The following CFAP46 variants were observed in gnomAD, a reference collection of about 807,000 sequenced individuals.
The protein encoded by CFAP46 is cilia- and flagella-associated protein 46.
In CFAP46, 245 loss-of-function variants were observed where a neutral mutation model predicts 325.7. That is an observed-to-expected ratio of 0.75 (90% confidence interval 0.68 to 0.84). CFAP46 has a LOEUF of 0.84. Among genes scored for constraint, CFAP46 ranks in the 40% least tolerant of loss-of-function variants. The pLI, the probability that CFAP46 is intolerant of heterozygous loss-of-function variation, is 0.00. For synonymous variants in CFAP46, 1,523 were observed against 1,495.9 expected (o/e 1.02, Z -0.42); for missense variants, 3,346 against 3,543.0 (o/e 0.94, Z 1.41).
chr10:132,842,265 G>C (rs936025624), intron 44 of CFAP46, among the ~76,000 whole-genome samples: 1 of 152,180 alleles, frequency 6.6e-6, no homozygotes, highest in South Asian at 2.1e-4. Context: ...GCTGTTCCAC[G>C]TGGACAGTTC....
intron 8 of CFAP46, among the ~76,000 whole-genome samples, chr10:132,932,211 G>C (rs1849919937): frequency 7.5e-6 from 1 of 133,568 alleles, no homozygotes; most frequent in African/African-American, 2.9e-5. Flanking sequence ...CTCACACAGA[G>C]CCTGGGTCTC....
chr10:132,858,998 CAGG>C, intron 38 of CFAP46, 70 bp downstream of exon 38: 1 of 1,454,294 alleles, frequency 6.9e-7, no homozygotes, highest in Non-Finnish European at 9.3e-7. Flanking sequence ...GCCCAGAAGG[CAGG>C]ATGGCGCTGG....
chr10:132,885,969 A>G lies in CFAP46; in HGVS notation c.3305-10T>C. The stretch of plus-strand genomic sequence containing the variant: ...AGGTCGTCCTCAGCCCCTGGGAGGG[A>G]GAAGGAGGGGTGTCCTTGGAGCCGC... On this transcript the variant is annotated splice_polypyrimidine_tract_variant and intron_variant, in intron 25 of 57. Transcript: ENST00000368586. 6.5e-7 allele frequency: 1 copy of G among 1,548,914 alleles called. No individual in the cohort carries two copies. The highest frequency in any genetic ancestry group is 1.7e-4 in the Middle Eastern group (1 of 5,974).
intron 54 of CFAP46, among the ~76,000 whole-genome samples, chr10:132,813,537 G>C (rs11498481): frequency 4.4e-3 from 134 of 30,554 alleles, no homozygotes; most frequent in African/African-American, 7.1e-3. Context: ...CTGCAGCCCC[G>C]CCCCTGCACA....
At position 132,910,187 on chromosome 10, in the gene CFAP46, T is replaced by TA. The variant is rs1239396966; in HGVS notation, c.2500-120dup. On this transcript the variant is annotated intron_variant, in intron 19 of 57. Transcript: ENST00000368586. ...TCCTGATCCAGCCCGTGAAGGGCCT[T>TA]AAACACGAGACCTCAGGCCCACCAG... is the stretch of plus-strand genomic sequence containing the variant. 3.0e-6 allele frequency: 3 copies of TA among 993,536 alleles called. No homozygotes were observed. In the African/African-American group the frequency reaches 5.1e-5, roughly 17 times the overall value. The allele number at this position is 993,536 out of a possible 1,614,324, so 61.5% of individuals were successfully genotyped here.
At chr10:132,878,222 C>T (rs1244737454) in intron 29 of CFAP46, 135 bp from the exon 30 acceptor site, 5 of 839,378 alleles carry the variant, frequency 6.0e-6, no homozygotes, top group Non-Finnish European at 9.3e-6. Context: ...GGTCTTGCGT[C>T]CCCGTCAGCT....
intron 50 of CFAP46, among the ~76,000 whole-genome samples, chr10:132,825,932 T>A (rs1189416604): frequency 6.7e-6 from 1 of 149,258 alleles, no homozygotes; most frequent in Non-Finnish European, 1.5e-5. Context: ...GCAGATAAAT[T>A]GTGGTGGGTG....
intron 22 of CFAP46, among the ~76,000 whole-genome samples, chr10:132,905,272 C>G (rs146493193): frequency 2.0e-5 from 3 of 152,112 alleles, no homozygotes; most frequent in African/African-American, 7.2e-5. Context: ...AACTGGTGTA[C>G]GCCTCTGAAC....
At position 132,869,292 on chromosome 10, in the gene CFAP46, C is replaced by T. The variant is rs760588646; in HGVS notation, c.4592G>A (p.Ser1531Asn). 4 of 1,537,332 alleles carry T rather than the reference C, an allele frequency of 2.6e-6. No individual in the cohort carries two copies. Among genetic ancestry groups the T allele is most frequent in the Middle Eastern group, 2.1e-4 (1 of 4,762 alleles). Reference sequence around the variant, plus strand: ...CACACACCTGGCCTGCTCCAGCTCGCTGACGCACACCTGCCCGACCGCCTC... The same window carrying T: ...CACACACCTGGCCTGCTCCAGCTCGTTGACGCACACCTGCCCGACCGCCTC... ...HEEAVGQVCV[S>N]ELEQASCRKE... The change falls in exon 33 of 58, where the codon AGC becomes AAC. Residue 1531 changes from serine (S) to asparagine (N), a missense_variant. Transcript: ENST00000368586. The surrounding 1 kb of genome is among the most constrained non-coding windows in gnomAD (Gnocchi z 6.2).
At chr10:132,878,377 T>C (rs1848988473) in intron 29 of CFAP46, among the ~76,000 whole-genome samples, 1 of 152,134 alleles carries the variant, frequency 6.6e-6, no homozygotes, top group African/African-American at 2.4e-5. Flanking sequence ...GGGACACCCC[T>C]GGCCCTGGGG....
chr10:132,831,369 G>A (rs759849802), intron 50 of CFAP46, among the ~76,000 whole-genome samples: 71 of 152,164 alleles, frequency 4.7e-4, no homozygotes, highest in African/African-American at 1.6e-3. Flanking sequence ...CCTCGGGTAC[G>A]TCTTGATTGT....
At chr10:132,823,720 C>G (rs1847951094) in intron 50 of CFAP46, among the ~76,000 whole-genome samples, 1 of 110,878 alleles carries the variant, frequency 9.0e-6, no homozygotes, top group African/African-American at 3.6e-5. Flanking sequence ...CTGACGTGTG[C>G]TGTGTGCTGA....
intron 36 of CFAP46, 123 bp downstream of exon 36, chr10:132,860,659 G>T: frequency 8.1e-7 from 1 of 1,229,084 alleles, no homozygotes; most frequent in Non-Finnish European, 1.1e-6. Context: ...TGAGGGTGGG[G>T]CAGGGATGGA....
chr10:132,878,444 A>G (rs112818007), intron 29 of CFAP46, among the ~76,000 whole-genome samples: 4 of 152,024 alleles, frequency 2.6e-5, no homozygotes, highest in Non-Finnish European at 5.9e-5. Flanking sequence ...GGATGTACCC[A>G]GGCAGGGAGG....
chr10:132,905,633 G>A (rs528834627), intron 22 of CFAP46, among the ~76,000 whole-genome samples: 79 of 152,244 alleles, frequency 5.2e-4, no homozygotes, highest in Admixed American at 3.9e-4. Context: ...TTACCTCCAC[G>A]TGGAACGTTC....
intron 56 of CFAP46, 110 bp from the exon 57 acceptor site, chr10:132,810,599 C>T: frequency 1.0e-6 from 1 of 966,096 alleles, no homozygotes; most frequent in Non-Finnish European, 1.7e-6. Context: ...CCATAAGACG[C>T]TGGCCCGCAG....
chr10:132,851,618 T>A (rs1848547145), intron 39 of CFAP46, among the ~76,000 whole-genome samples: 1 of 152,210 alleles, frequency 6.6e-6, no homozygotes, highest in African/African-American at 2.4e-5. Context: ...GCGCACAGAG[T>A]GCTGTCTTTC....
intron 11 of CFAP46, among the ~76,000 whole-genome samples, chr10:132,923,073 A>G (rs1048594567): frequency 6.6e-6 from 1 of 152,202 alleles, no homozygotes; most frequent in Non-Finnish European, 1.5e-5. Flanking sequence ...CAGGGCTGCG[A>G]AGGAGGCTAG....
chr10:132,908,019 C>A (rs374139348), intron 22 of CFAP46, among the ~76,000 whole-genome samples: 2 of 152,250 alleles, frequency 1.3e-5, no homozygotes, highest in Non-Finnish European at 2.9e-5. Context: ...TGAGGCCCCC[C>A]CTTTCTGTGC....
Sources: allele counts gnomAD v4.1 joint callset (sites outside exome capture counted in the v4.1 genomes callset), GRCh38; gene constraint gnomAD v4.1.1; non-coding constraint Gnocchi (gnomAD v3.1); transcripts MANE v1.5; gene names NCBI Gene and HGNC (gene_info 2026-07-23, HGNC 2026-07-21).